The following TMEM132D variants were observed in gnomAD, a reference collection of about 807,000 sequenced individuals.
TMEM132D encodes the protein mature OL transmembrane protein.
TMEM132D carries 21 observed loss-of-function variants against 62.3 expected under a neutral mutation model. That is an observed-to-expected ratio of 0.34 (90% confidence interval 0.24 to 0.49). TMEM132D has a LOEUF of 0.49. Ranked by LOEUF, TMEM132D falls within the 20% of genes least tolerant of loss-of-function variation. The pLI, the probability that TMEM132D is intolerant of heterozygous loss-of-function variation, is 0.99. For synonymous variants in TMEM132D, 621 were observed against 575.6 expected, an observed-to-expected ratio of 1.08 and a Z score of -1.13; for missense variants, 1,346 against 1,402.8, an observed-to-expected ratio of 0.96 and a Z score of 0.65.
At chr12:129,385,248 G>A (rs1340376454) in intron 3 of TMEM132D, among the ~76,000 whole-genome samples, 5 of 151,810 alleles carry the variant, frequency 3.3e-5, no homozygotes, top group Non-Finnish European at 1.5e-5. Flanking sequence ...GGGGATTACA[G>A]GTACGTGCCA....
intron 3 of TMEM132D, among the ~76,000 whole-genome samples, chr12:129,448,072 A>G (rs1453724422): frequency 1.3e-5 from 2 of 152,188 alleles, no homozygotes; most frequent in East Asian, 1.9e-4. Context: ...GAATGAATGC[A>G]TGAGGGAATA....
chr12:129,443,759 T>A (rs1276968475), intron 3 of TMEM132D, among the ~76,000 whole-genome samples: 1 of 152,218 alleles, frequency 6.6e-6, no homozygotes, highest in African/African-American at 2.4e-5. Context: ...GTTCAGAGGA[T>A]GTGTGTCCTT....
chr12:129,678,734 G>A (rs1320869865), intron 2 of TMEM132D, among the ~76,000 whole-genome samples: 1 of 151,990 alleles, frequency 6.6e-6, no homozygotes, highest in East Asian at 1.9e-4. Flanking sequence ...ATATCCTTTG[G>A]TATTTTCTTC....
chr12:129,725,113 G>T (rs1868984694), intron 1 of TMEM132D, among the ~76,000 whole-genome samples: 2 of 152,166 alleles, frequency 1.3e-5, no homozygotes, highest in African/African-American at 4.8e-5. Context: ...TCATCAGCCT[G>T]GGTCCCTGAA....
At chr12:129,410,273 C>T (rs553800172) in intron 3 of TMEM132D, among the ~76,000 whole-genome samples, 2 of 152,336 alleles carry the variant, frequency 1.3e-5, no homozygotes, top group South Asian at 4.1e-4. Flanking sequence ...CGGCATGCAA[C>T]ATTAGTGTAT....
At chr12:129,896,338 AGGT>A (rs1026792829) in intron 1 of TMEM132D, among the ~76,000 whole-genome samples, 2 of 152,158 alleles carry the variant, frequency 1.3e-5, no homozygotes, top group Non-Finnish European at 2.9e-5. Flanking sequence ...AGTGGCTGCC[AGGT>A]GTTCATCTGC....
intron 2 of TMEM132D, among the ~76,000 whole-genome samples, chr12:129,629,031 C>G (rs1879291556): frequency 6.6e-6 from 1 of 151,844 alleles, no homozygotes; most frequent in South Asian, 2.1e-4. Context: ...GGTTCTCTCC[C>G]TCTATCCCTT....
chr12:129,614,194 C>T (rs1011983175), intron 2 of TMEM132D, among the ~76,000 whole-genome samples: 1 of 152,228 alleles, frequency 6.6e-6, no homozygotes, highest in African/African-American at 2.4e-5. Flanking sequence ...AGAACCCATG[C>T]TCTTGAACCC....
chr12:129,223,387 G>A (rs952614793), intron 4 of TMEM132D, among the ~76,000 whole-genome samples: 2 of 152,282 alleles, frequency 1.3e-5, no homozygotes, highest in East Asian at 1.9e-4. Flanking sequence ...GCCACATGGA[G>A]AGGCCACATG....
At chr12:129,588,740 ATTTTTTTCTTTTTTTT>A (rs1163037884) in intron 2 of TMEM132D, among the ~76,000 whole-genome samples, 1 of 31,122 alleles carries the variant, frequency 3.2e-5, no homozygotes, top group East Asian at 1.2e-3. Context: ...ACGCCCAGCT[ATTTTTTTCTTTTTTTT>A]TTTTTTTTTG....
At chr12:129,627,766 C>T (rs11060471) in intron 2 of TMEM132D, among the ~76,000 whole-genome samples, 50,943 of 152,012 alleles carry the variant, frequency 0.34, 8,830 homozygotes, top group South Asian at 0.42. Flanking sequence ...GCCAGGTGAT[C>T]GCTTGAGCTC....
In TMEM132D at chr12:129,301,580, C is replaced by T. The variant is rs892162537; in HGVS notation, c.1299+36054G>A. Among the ~76,000 whole-genome samples the T allele has an allele frequency of 5.3e-5, 8 of 152,282 alleles. No individual in the cohort carries two copies. The East Asian group carries it at 5.8e-4, about 11-fold the overall frequency. ...CACACATGTAGGCAAGAATATGAGGCCTTCAGTTTCATCCATAAAGACAGT... is the reference window on the plus strand; with the variant it reads ...CACACATGTAGGCAAGAATATGAGGTCTTCAGTTTCATCCATAAAGACAGT... On this transcript the variant is annotated intron_variant, in intron 4 of 8. Coordinates refer to ENST00000422113, the MANE Select transcript of TMEM132D (RefSeq NM_133448.3).
intron 1 of TMEM132D, among the ~76,000 whole-genome samples, chr12:129,751,484 A>C (rs967475783): frequency 6.6e-6 from 1 of 152,168 alleles, no homozygotes; most frequent in African/African-American, 2.4e-5. Flanking sequence ...CCAAACCATC[A>C]GTCCCCACAG....
intron 3 of TMEM132D, among the ~76,000 whole-genome samples, chr12:129,515,758 C>A (rs948705450): frequency 6.6e-6 from 1 of 152,192 alleles, no homozygotes; most frequent in African/African-American, 2.4e-5. Context: ...CTATTACCAA[C>A]GGACCATATC....
chr12:129,393,358 C>T (rs1252055862), intron 3 of TMEM132D, among the ~76,000 whole-genome samples: 2 of 152,194 alleles, frequency 1.3e-5, no homozygotes, highest in African/African-American at 4.8e-5. Flanking sequence ...AAGTGTCAAT[C>T]ATCTTTTCTG....
chr12:129,166,432 C>T (rs944033304), intron 5 of TMEM132D, among the ~76,000 whole-genome samples: 18 of 152,064 alleles, frequency 1.2e-4, no homozygotes, highest in East Asian at 1.9e-4. Context: ...TGAATGTGGG[C>T]GGATGTGGCA....
At chr12:129,175,092 G>A (rs1490220285) in intron 5 of TMEM132D, among the ~76,000 whole-genome samples, 2 of 152,168 alleles carry the variant, frequency 1.3e-5, no homozygotes, top group Non-Finnish European at 2.9e-5. Context: ...GACCCCATTT[G>A]TTAATTCTGG....
At chr12:129,475,197 G>A (rs1874221143) in intron 3 of TMEM132D, among the ~76,000 whole-genome samples, 1 of 152,194 alleles carries the variant, frequency 6.6e-6, no homozygotes, top group Non-Finnish European at 1.5e-5. Context: ...TGGAAATTGA[G>A]GCACAAAGAA....
At chr12:129,557,709 T>C (rs1877103231) in intron 2 of TMEM132D, among the ~76,000 whole-genome samples, 1 of 152,104 alleles carries the variant, frequency 6.6e-6, no homozygotes, top group African/African-American at 2.4e-5. Flanking sequence ...GAGCAAGACC[T>C]TGACTCAAAA....
Sources: gnomAD v4.1 joint callset for allele counts (sites outside exome capture counted in the v4.1 genomes callset) on GRCh38, gnomAD v4.1.1 for gene constraint, MANE v1.5 for transcripts, NCBI Gene and HGNC (gene_info 2026-07-23, HGNC 2026-07-21) for gene names.